Variants in NXPH1 observed in about 807,000 individuals in gnomAD.
NXPH1 encodes neurexophilin-1.
Under a neutral mutation model 23.7 loss-of-function variants are expected in NXPH1, and 5 were observed. The observed-to-expected ratio is 0.21, with a 90% CI of 0.11 to 0.44. The LOEUF (loss-of-function observed/expected upper bound fraction) is 0.44, where lower values mean the gene tolerates loss of function less well. NXPH1 is among the 20% of genes least tolerant of loss of function. The probability of loss-of-function intolerance (pLI) is 0.99; values close to 1 mark genes in which losing one functional copy is unlikely to be tolerated. For missense variants in NXPH1, 324 were observed against 321.6 expected (o/e 1.01, Z -0.06); for synonymous variants, 144 against 122.2 (o/e 1.18, Z -1.18).
chr7:8,457,312 C>T (rs1399305494), intron 2 of NXPH1, among the ~76,000 whole-genome samples: 3 of 152,158 alleles, frequency 2.0e-5, no homozygotes, highest in Non-Finnish European at 4.4e-5. Context: ...ATCAGAGAGC[C>T]TCTTCCTAAA....
intron 2 of NXPH1, among the ~76,000 whole-genome samples, chr7:8,689,842 AG>A (rs1474356886): frequency 6.6e-6 from 1 of 152,176 alleles, no homozygotes; most frequent in Non-Finnish European, 1.5e-5. Context: ...CTTAGCATAT[AG>A]GGTGGCCATA....
intron 2 of NXPH1, among the ~76,000 whole-genome samples, chr7:8,462,743 A>G (rs761928536): frequency 5.3e-5 from 8 of 152,274 alleles, no homozygotes; most frequent in Non-Finnish European, 1.0e-4. Flanking sequence ...TTATTTGCCA[A>G]TGAAAAAATA....
intron 2 of NXPH1, among the ~76,000 whole-genome samples, chr7:8,609,268 C>T (rs551500804): frequency 6.6e-6 from 1 of 152,148 alleles, no homozygotes; most frequent in South Asian, 2.1e-4. Context: ...CCAAAAACAT[C>T]ATTTTAGACG....
At chr7:8,459,291 T>G (rs1039734155) in intron 2 of NXPH1, among the ~76,000 whole-genome samples, 1 of 152,178 alleles carries the variant, frequency 6.6e-6, no homozygotes, top group African/African-American at 2.4e-5. Flanking sequence ...ATGTAGAGAC[T>G]TCACTGGATT....
chr7:8,597,163 T>A (rs1819244546), intron 2 of NXPH1, among the ~76,000 whole-genome samples: 1 of 152,032 alleles, frequency 6.6e-6, no homozygotes, highest in African/African-American at 2.4e-5. Flanking sequence ...TATGATAAAT[T>A]TTTAAATGGG....
At chr7:8,452,618 C>T (rs563998290) in intron 2 of NXPH1, among the ~76,000 whole-genome samples, 10 of 152,152 alleles carry the variant, frequency 6.6e-5, no homozygotes, top group African/African-American at 2.4e-4. Flanking sequence ...TAATTAGGAT[C>T]CTAGGCAAAG....
chr7:8,645,003 T>C (rs530832380), intron 2 of NXPH1, among the ~76,000 whole-genome samples: 4 of 152,360 alleles, frequency 2.6e-5, no homozygotes, highest in South Asian at 2.1e-4. Context: ...TGTTGATAAA[T>C]GCAGTTCTAA....
chr7:8,746,835 T>G (rs1023931628), intron 2 of NXPH1, among the ~76,000 whole-genome samples: 3 of 150,790 alleles, frequency 2.0e-5, no homozygotes, highest in African/African-American at 4.9e-5. Context: ...CTCCCCATTT[T>G]CTTCTCCCCC....
At chr7:8,668,920 C>G (rs1486094732) in intron 2 of NXPH1, among the ~76,000 whole-genome samples, 4 of 151,568 alleles carry the variant, frequency 2.6e-5, no homozygotes, top group Non-Finnish European at 5.9e-5. Flanking sequence ...AGATTCGACT[C>G]TGGATCCAAC....
intron 2 of NXPH1, among the ~76,000 whole-genome samples, chr7:8,580,887 A>G (rs1462936320): frequency 6.6e-6 from 1 of 152,184 alleles, no homozygotes; most frequent in Non-Finnish European, 1.5e-5. Flanking sequence ...GGCAGATGGA[A>G]TTGTTCTTAT....
intron 2 of NXPH1, among the ~76,000 whole-genome samples, chr7:8,710,774 T>A (rs1779779998): frequency 1.5e-5 from 2 of 133,756 alleles, no homozygotes; most frequent in South Asian, 5.1e-4. Context: ...GCCATTCTCC[T>A]GCCTCAGCCT....
At chr7:8,516,019 T>A (rs1453557754) in intron 2 of NXPH1, among the ~76,000 whole-genome samples, 2 of 152,094 alleles carry the variant, frequency 1.3e-5, no homozygotes, top group African/African-American at 4.8e-5. Context: ...GTCATATATT[T>A]TTCTGCCACC....
chr7:8,666,666 C>T (rs1046858780), intron 2 of NXPH1, among the ~76,000 whole-genome samples: 5 of 151,992 alleles, frequency 3.3e-5, no homozygotes, highest in Middle Eastern at 3.2e-3. Context: ...CCTGGCTTAT[C>T]TTTGCTAGAA....
chr7:8,443,358 A>AC (rs1362403883), intron 2 of NXPH1, among the ~76,000 whole-genome samples: 4 of 152,198 alleles, frequency 2.6e-5, no homozygotes, highest in African/African-American at 9.7e-5. Flanking sequence ...CTCCCCCGAA[A>AC]CAGAAACGTG....
intron 2 of NXPH1, among the ~76,000 whole-genome samples, chr7:8,621,632 C>T (rs186766792): frequency 3.9e-5 from 6 of 151,966 alleles, no homozygotes; most frequent in South Asian, 4.2e-4. Context: ...GGATTACAGG[C>T]GTCTGGCACC....
At chr7:8,554,172 CA>C (rs5882172) in intron 2 of NXPH1, among the ~76,000 whole-genome samples, 21,057 of 150,720 alleles carry the variant, frequency 0.14, 2,387 homozygotes, top group African/African-American at 0.31. Context: ...AAGAAAAAAG[CA>C]AAAAAAATAA....
At chr7:8,456,697 A>G (rs1432045436) in intron 2 of NXPH1, among the ~76,000 whole-genome samples, 1 of 152,190 alleles carries the variant, frequency 6.6e-6, no homozygotes, top group South Asian at 2.1e-4. Flanking sequence ...TCTATTATCC[A>G]TAACTTTTTA....
intron 2 of NXPH1, among the ~76,000 whole-genome samples, chr7:8,713,136 T>G (rs1244430893): frequency 3.3e-5 from 5 of 152,102 alleles, no homozygotes; most frequent in Non-Finnish European, 5.9e-5. Flanking sequence ...TTTTTTATTC[T>G]TTTTTCTTTT....
intron 2 of NXPH1, among the ~76,000 whole-genome samples, chr7:8,579,562 G>A (rs953653687): frequency 2.6e-5 from 4 of 151,996 alleles, no homozygotes; most frequent in Non-Finnish European, 5.9e-5. Flanking sequence ...AGCAGAGACG[G>A]GGTTTCTCCA....
Sources: gnomAD v4.1 joint callset for allele counts (sites outside exome capture counted in the v4.1 genomes callset) on GRCh38, gnomAD v4.1.1 for gene constraint, MANE v1.5 for transcripts, NCBI Gene and HGNC (gene_info 2026-07-23, HGNC 2026-07-21) for gene names.